The following CRIPT variants were observed in gnomAD, a reference collection of about 807,000 sequenced individuals.
CRIPT encodes CXXC repeat containing interactor of PDZ3 domain.
In CRIPT, 20 loss-of-function variants were observed where a neutral mutation model predicts 16.6. The ratio of observed to expected loss-of-function variants is 1.20; its 90% CI spans 0.85 to 1.75. CRIPT has a LOEUF of 1.75. Among genes scored for constraint, CRIPT ranks in the 40% most tolerant of loss-of-function variants. CRIPT has a pLI of 0.00. For missense variants in CRIPT, 133 were observed against 115.3 expected (o/e 1.15, Z -0.70); for synonymous variants, 42 against 37.0 (o/e 1.14, Z -0.49).
At chr2:46,623,234 T>G (rs1246866776) in intron 3 of CRIPT, among the ~76,000 whole-genome samples, 1 of 152,180 alleles carries the variant, frequency 6.6e-6, no homozygotes, top group Non-Finnish European at 1.5e-5. Flanking sequence ...GATAAGTGCT[T>G]TACATGATTG....
chr2:46,623,201 A>T (rs1036209514), intron 3 of CRIPT, among the ~76,000 whole-genome samples: 6 of 152,204 alleles, frequency 3.9e-5, no homozygotes, highest in African/African-American at 1.4e-4. Flanking sequence ...ATTGAAACAA[A>T]GCCTTTTGAG....
Position 46,618,760 on chromosome 2 carries a change from C to T in CRIPT, c.17-13C>T. On this transcript the variant is annotated splice_polypyrimidine_tract_variant and intron_variant, in intron 1 of 4. Transcript: ENST00000238892. ...TAAAGTTTAATTTTCCTTTTACTAT[C>T]TTGTTCTAACAGGTGAAAAGAAACT... 2 of 1,571,080 alleles carry T rather than the reference C, an allele frequency of 1.3e-6. No individual in the cohort carries two copies. Among genetic ancestry groups the T allele is most frequent in the Middle Eastern group, 1.7e-4 (1 of 5,830 alleles).
At chr2:46,619,284 G>A (rs892868577) in intron 2 of CRIPT, among the ~76,000 whole-genome samples, 4 of 152,096 alleles carry the variant, frequency 2.6e-5, no homozygotes, top group Non-Finnish European at 4.4e-5. Flanking sequence ...ATATAGTAAA[G>A]TATGTTTTCA....
chr2:46,619,518 A>C (rs888699191), intron 2 of CRIPT, 109 bp from the exon 3 acceptor site: 18 of 635,892 alleles, frequency 2.8e-5, no homozygotes, highest in Non-Finnish European at 4.2e-5. Flanking sequence ...AGGATTTAAA[A>C]ATTAGATATA....
intron 1 of CRIPT, 52 bp downstream of exon 1, chr2:46,617,350 G>A (rs1481208271): frequency 1.3e-6 from 2 of 1,540,852 alleles, no homozygotes; most frequent in Admixed American, 2.0e-5. Flanking sequence ...GAACCTAACT[G>A]AGCTCTCCCG....
At chr2:46,622,997 C>A (rs77478625) in intron 3 of CRIPT, among the ~76,000 whole-genome samples, 1,922 of 151,764 alleles carry the variant, frequency 0.013, 47 homozygotes, top group African/African-American at 0.044. Flanking sequence ...GTATTATTGC[C>A]ATTTTAGGGG....
Position 46,617,241 on chromosome 2 carries a change from C to T in CRIPT, c.-42C>T, listed in dbSNP as rs1344288117. The T allele has an allele frequency of 2.6e-6, 4 of 1,552,838 alleles. No homozygotes were observed. Among genetic ancestry groups the T allele is most frequent in the Non-Finnish European group, 3.5e-6 (4 of 1,147,408 alleles). On this transcript the variant is annotated 5_prime_UTR_variant, in exon 1 of 5. Transcript: ENST00000238892. Reference sequence around the variant, plus strand: ...TAGTGTTGTTGTTTTCAGCCTGCTGCTGCTGCTGCTGTTGCGGCTAGGGGA... The same window carrying T: ...TAGTGTTGTTGTTTTCAGCCTGCTGTTGCTGCTGCTGTTGCGGCTAGGGGA...
rs368904876 is a variant in CRIPT at position 46,624,047 on chromosome 2, T to TTTTTTTC, written c.242-112_242-111insTTCTTTT. On this transcript the variant is annotated intron_variant, in intron 4 of 4. Coordinates refer to ENST00000238892, the MANE Select transcript of CRIPT (RefSeq NM_014171.6). ...AAATTATATATATATATATATTTTT[T>TTTTTTTC]TTTTCTTTTCTTTTCTTTCCTGATG... is the stretch of plus-strand genomic sequence containing the variant. 515 of 472,262 alleles carry TTTTTTTC rather than the reference T, an allele frequency of 1.1e-3. 1 individual carries two copies. Among genetic ancestry groups the TTTTTTTC allele is most frequent in the African/African-American group, 9.2e-3 (449 of 48,776 alleles). The allele number at this position is 472,262 out of a possible 1,614,324, so 29.3% of individuals were successfully genotyped here.
At chr2:46,622,198 T>C (rs1434798910) in intron 3 of CRIPT, among the ~76,000 whole-genome samples, 2 of 151,568 alleles carry the variant, frequency 1.3e-5, no homozygotes, top group Non-Finnish European at 2.9e-5. Flanking sequence ...TGAAACCCTG[T>C]CTCTACTAAA....
Position 46,628,335 on chromosome 2 carries a change from C to T in CRIPT, c.*4108C>T, listed in dbSNP as rs1001065561. On this transcript the variant is annotated 3_prime_UTR_variant, in exon 5 of 5. Coordinates refer to ENST00000238892, the MANE Select transcript of CRIPT (RefSeq NM_014171.6). ...TCATCTTAGCCAGGCTGGTCTTGAA[C>T]TCCTGACGTTGTGATCCACCCGCCT... Among the ~76,000 whole-genome samples the T allele has an allele frequency of 6.6e-6, 1 of 152,100 alleles. No homozygotes were observed. The highest frequency in any genetic ancestry group is 6.6e-5 in the Admixed American group (1 of 15,266).
chr2:46,623,705 T>C, intron 3 of CRIPT, 59 bp from the exon 4 acceptor site: 1 of 908,676 alleles, frequency 1.1e-6, no homozygotes, highest in Admixed American at 2.0e-5. Flanking sequence ...GTAAGTGGGG[T>C]TATTTAAGAG....
chr2:46,620,820 C>T (rs1388202388), intron 3 of CRIPT, among the ~76,000 whole-genome samples: 2 of 151,400 alleles, frequency 1.3e-5, no homozygotes, highest in Non-Finnish European at 2.9e-5. Flanking sequence ...ATCTGACATA[C>T]CTCATTTAAT....
At position 46,626,930 on chromosome 2, in the gene CRIPT, T is replaced by C. The variant is rs1368991779; in HGVS notation, c.*2703T>C. Reference sequence around the variant, plus strand: ...TCACTGCAACCTCCACCTCCCGGGTTCAAGCGATTCTCCTGCCCCAGCCTC... The same window carrying C: ...TCACTGCAACCTCCACCTCCCGGGTCCAAGCGATTCTCCTGCCCCAGCCTC... On this transcript the variant is annotated 3_prime_UTR_variant, in exon 5 of 5. Transcript: ENST00000238892. Among the ~76,000 whole-genome samples, 3 of 152,146 alleles carry C rather than the reference T, an allele frequency of 2.0e-5. No individual in the cohort carries two copies. Among genetic ancestry groups the C allele is most frequent in the Non-Finnish European group, 4.4e-5 (3 of 68,038 alleles).
rs779085379 is a variant in CRIPT, at chr2:46,626,559, C to T, written c.*2332C>T. ...TAATTTGCATTTCCATCAGTGTAGGCGCATTCTACACTGCACTGGCTTCTA... is the reference window on the plus strand; with the variant it reads ...TAATTTGCATTTCCATCAGTGTAGGTGCATTCTACACTGCACTGGCTTCTA... On this transcript the variant is annotated 3_prime_UTR_variant, in exon 5 of 5. Transcript: ENST00000238892. Among the ~76,000 whole-genome samples, 2 of 152,158 alleles carry T rather than the reference C, an allele frequency of 1.3e-5. No homozygotes were observed. The highest frequency in any genetic ancestry group is 3.8e-4 in the East Asian group (2 of 5,196).
Position 46,626,030 on chromosome 2 carries a change from C to G in CRIPT, c.*1803C>G, listed in dbSNP as rs575991395. 6.6e-6 allele frequency among the ~76,000 whole-genome samples: 1 copy of G among 152,182 alleles called. No individual in the cohort carries two copies. The highest frequency in any genetic ancestry group is 6.5e-5 in the Admixed American group (1 of 15,278). ...TTTTGTGATGCTGAGGTTTGGGGTA[C>G]AAATGATCCTGTCACCCAGGTAGTG... On this transcript the variant is annotated 3_prime_UTR_variant, in exon 5 of 5. Transcript: ENST00000238892.
chr2:46,625,348 G>C lies in CRIPT; in HGVS notation c.*1121G>C, dbSNP rs563961870. On this transcript the variant is annotated 3_prime_UTR_variant, in exon 5 of 5. Coordinates refer to ENST00000238892, the MANE Select transcript of CRIPT (RefSeq NM_014171.6). ...AGCCTTCCGAAGTGCTGGGATACAG[G>C]TGTGAGCCACAGAACTTGGCCTCTC... is the stretch of plus-strand genomic sequence containing the variant. The C allele has an allele frequency of 4.0e-5, 6 of 148,428 alleles. No individual in the cohort carries two copies. Among genetic ancestry groups the C allele is most frequent in the Admixed American group, 2.7e-4 (4 of 14,944 alleles). The allele number at this position is 148,428 out of a possible 1,614,324, so 9.2% of individuals were successfully genotyped here. A position where few individuals can be genotyped will look rare whatever the true frequency, so the allele number is the denominator to read the frequency against.
chr2:46,622,774 T>A (rs1670843168), intron 3 of CRIPT, among the ~76,000 whole-genome samples: 1 of 151,772 alleles, frequency 6.6e-6, no homozygotes, highest in African/African-American at 2.4e-5. Flanking sequence ...GATTGCGCCA[T>A]TGCACTCTAG....
At position 46,617,233 on chromosome 2, in the gene CRIPT, G is replaced by T. The variant is rs1415648173; in HGVS notation, c.-50G>T. On this transcript the variant is annotated 5_prime_UTR_variant, in exon 1 of 5. Coordinates refer to ENST00000238892, the MANE Select transcript of CRIPT (RefSeq NM_014171.6). ...CCAAGTTGTAGTGTTGTTGTTTTCAGCCTGCTGCTGCTGCTGCTGTTGCGG... is the reference window on the plus strand; with the variant it reads ...CCAAGTTGTAGTGTTGTTGTTTTCATCCTGCTGCTGCTGCTGCTGTTGCGG... 1.3e-6 allele frequency: 2 copies of T among 1,551,474 alleles called. No homozygotes were observed. The highest frequency in any genetic ancestry group is 2.4e-5 in the East Asian group (1 of 41,244).
chr2:46,624,047 T>TTTTTTTTTTTTC (rs368904876), intron 4 of CRIPT, 116 bp from the exon 5 acceptor site: 3 of 472,094 alleles, frequency 6.4e-6, no homozygotes, highest in African/African-American at 6.2e-5. Flanking sequence ...ATATATTTTT[T>TTTTTTTTTTTTC]TTTTCTTTTC....
Sources: gnomAD v4.1 joint callset for allele counts (sites outside exome capture counted in the v4.1 genomes callset) on GRCh38, gnomAD v4.1.1 for gene constraint, MANE v1.5 for transcripts, NCBI Gene and HGNC (gene_info 2026-07-23, HGNC 2026-07-21) for gene names.